ADARB2: variants seen among roughly 807,000 people sequenced by gnomAD.
ADARB2 encodes the protein adenosine deaminase RNA specific B2 (inactive).
In ADARB2, 25 loss-of-function variants were observed where a neutral mutation model predicts 62.2. The ratio of observed to expected loss-of-function variants is 0.40; its 90% CI spans 0.29 to 0.56. The LOEUF is 0.56. Among genes scored for constraint, ADARB2 ranks in the 20% least tolerant of loss-of-function variants. The probability of loss-of-function intolerance (pLI) is 0.43; values close to 1 mark genes in which losing one functional copy is unlikely to be tolerated. For synonymous variants in ADARB2, 572 were observed against 500.8 expected (o/e 1.14, Z -1.90); for missense variants, 1,071 against 1,077.4 (o/e 0.99, Z 0.08).
intron 1 of ADARB2, among the ~76,000 whole-genome samples, chr10:1,669,872 A>T (rs1386282672): frequency 1.3e-5 from 2 of 152,008 alleles, no homozygotes; most frequent in Non-Finnish European, 1.5e-5. Context: ...AGACACAAAT[A>T]CACACAGACA....
At chr10:1,278,630 T>TC (rs1831342349) in intron 3 of ADARB2, among the ~76,000 whole-genome samples, 2 of 152,036 alleles carry the variant, frequency 1.3e-5, no homozygotes, top group Non-Finnish European at 2.9e-5. Flanking sequence ...ATAGCCTGTT[T>TC]CTCAATCCAT....
Position 1,603,500 on chromosome 10 carries a change from C to T in ADARB2, c.100+133551G>A, listed in dbSNP as rs543452652. Among the ~76,000 whole-genome samples the T allele has an allele frequency of 3.3e-4, 50 of 152,222 alleles. 1 individual carries two copies. The East Asian group carries it at 6.6e-3, about 20-fold the overall frequency. On this transcript the variant is annotated intron_variant, in intron 1 of 9. Coordinates refer to ENST00000381312, the MANE Select transcript of ADARB2 (RefSeq NM_018702.4). ...ATGTCCCCTAACCTCCTACCCATAG[C>T]GTCTGAAATCACCCTGATTAGAACG...
intron 1 of ADARB2, among the ~76,000 whole-genome samples, chr10:1,669,004 C>T (rs562153901): frequency 6.0e-4 from 92 of 152,322 alleles, no homozygotes; most frequent in Non-Finnish European, 7.9e-4. Context: ...TGGCCGTGAC[C>T]GTCTCCCCTT....
At chr10:1,526,308 T>C (rs1280731523) in intron 1 of ADARB2, among the ~76,000 whole-genome samples, 1 of 152,018 alleles carries the variant, frequency 6.6e-6, no homozygotes, top group Non-Finnish European at 1.5e-5. Context: ...TCCCTAGTCT[T>C]GTAGAGGAGG....
intron 1 of ADARB2, among the ~76,000 whole-genome samples, chr10:1,698,101 T>C (rs1051931601): frequency 1.3e-5 from 2 of 152,246 alleles, no homozygotes; most frequent in Non-Finnish European, 2.9e-5. Flanking sequence ...CACTGCCCTC[T>C]CTGGCTTCCC....
chr10:1,342,008 T>C (rs1350149382), intron 3 of ADARB2, among the ~76,000 whole-genome samples: 1 of 152,254 alleles, frequency 6.6e-6, no homozygotes, highest in Non-Finnish European at 1.5e-5. Context: ...GGCTCATTGA[T>C]CATGGTATTG....
intron 1 of ADARB2, among the ~76,000 whole-genome samples, chr10:1,462,909 T>G (rs1026357324): frequency 6.6e-6 from 1 of 151,872 alleles, no homozygotes; most frequent in Non-Finnish European, 1.5e-5. Context: ...TATATACCAT[T>G]GTGAAGGAGA....
chr10:1,426,807 C>T lies in ADARB2; in HGVS notation c.101-47647G>A, dbSNP rs1046881616. Among the ~76,000 whole-genome samples, 1 of 152,238 alleles carries T rather than the reference C, an allele frequency of 6.6e-6. No individual in the cohort carries two copies. The highest frequency in any genetic ancestry group is 2.4e-5 in the African/African-American group (1 of 41,466). On this transcript the variant is annotated intron_variant, in intron 1 of 9. Transcript: ENST00000381312. This position sits in a 1 kb window ranked among gnomAD's most constrained non-coding sequence, Gnocchi z 4.1. ...CGCTTACTCCACCACTGCATCCCTT[C>T]TATACCCTGCTTCTCCCTTCAGACA...
At chr10:1,320,265 AAC>A (rs1037382435) in intron 3 of ADARB2, among the ~76,000 whole-genome samples, 1 of 152,168 alleles carries the variant, frequency 6.6e-6, no homozygotes, top group African/African-American at 2.4e-5. Context: ...AGTCTCAATA[AAC>A]ATCATTGTCT....
At chr10:1,644,183 AG>A (rs1297228493) in intron 1 of ADARB2, among the ~76,000 whole-genome samples, 1 of 152,240 alleles carries the variant, frequency 6.6e-6, no homozygotes, top group Non-Finnish European at 1.5e-5. Context: ...TTTTAAATGC[AG>A]GAAGTATTCC....
chr10:1,559,949 T>G (rs969002574), intron 1 of ADARB2, among the ~76,000 whole-genome samples: 2 of 152,274 alleles, frequency 1.3e-5, no homozygotes, highest in African/African-American at 4.8e-5. Context: ...TAAAGAACCC[T>G]GGGCTCCGCA....
intron 1 of ADARB2, among the ~76,000 whole-genome samples, chr10:1,671,630 T>C (rs563471591): frequency 1.3e-5 from 2 of 152,260 alleles, no homozygotes; most frequent in East Asian, 1.9e-4. Context: ...GTCCTGGGAA[T>C]GGGCTGACAA....
At chr10:1,687,656 G>GC (rs1554781117) in intron 1 of ADARB2, among the ~76,000 whole-genome samples, 1 of 146,914 alleles carries the variant, frequency 6.8e-6, no homozygotes, top group African/African-American at 2.5e-5. Context: ...ATTTTTTTCT[G>GC]CAAAAAAAAA....
intron 1 of ADARB2, among the ~76,000 whole-genome samples, chr10:1,438,166 G>A (rs560866011): frequency 1.1e-4 from 16 of 152,190 alleles, no homozygotes; most frequent in East Asian, 5.8e-4. Flanking sequence ...TCACTATGGG[G>A]CTCCTGAGTC....
rs28516900 is a variant in ADARB2, at chr10:1,327,859, T to A, written c.1077+35169A>T. On this transcript the variant is annotated intron_variant, in intron 3 of 9. Coordinates refer to ENST00000381312, the MANE Select transcript of ADARB2 (RefSeq NM_018702.4). ...TCACAGCTCAGTGCCTCCTCACAGC[T>A]CAGCGCCTCCTCACAGCTCAGCGCC... Among the ~76,000 whole-genome samples the A allele has an allele frequency of 1.8e-3, 75 of 41,258 alleles. 18 individuals carry two copies. The highest frequency in any genetic ancestry group is 7.3e-3 in the African/African-American group (68 of 9,366). The allele number at this position is 41,258 out of a possible 152,430, so 27.1% of individuals were successfully genotyped here.
At chr10:1,211,424 A>G (rs137866755) in intron 7 of ADARB2, among the ~76,000 whole-genome samples, 23 of 152,160 alleles carry the variant, frequency 1.5e-4, no homozygotes, top group African/African-American at 5.5e-4. Flanking sequence ...TATGCCTGCT[A>G]TGTTCCTGCA....
At chr10:1,461,674 C>A (rs200470210) in intron 1 of ADARB2, among the ~76,000 whole-genome samples, 1 of 65,594 alleles carries the variant, frequency 1.5e-5, no homozygotes, top group Non-Finnish European at 4.0e-5. Context: ...TTTTTTTTTC[C>A]TTTTTTTCTT....
chr10:1,366,405 C>T (rs937682319), intron 2 of ADARB2, among the ~76,000 whole-genome samples: 1 of 152,196 alleles, frequency 6.6e-6, no homozygotes, highest in African/African-American at 2.4e-5. Context: ...GGTGAATGTG[C>T]TTCTGGAAGG....
chr10:1,447,265 T>A (rs80334103), intron 1 of ADARB2, among the ~76,000 whole-genome samples: 5 of 152,178 alleles, frequency 3.3e-5, no homozygotes, highest in African/African-American at 1.2e-4. Flanking sequence ...CACAGGTATC[T>A]GAGATTATCC....
Sources: allele counts gnomAD v4.1 joint callset (sites outside exome capture counted in the v4.1 genomes callset), GRCh38; gene constraint gnomAD v4.1.1; non-coding constraint Gnocchi (gnomAD v3.1); transcripts MANE v1.5; gene names NCBI Gene and HGNC (gene_info 2026-07-23, HGNC 2026-07-21).